TMEM182: variants seen among roughly 807,000 people sequenced by gnomAD.
TMEM182 encodes the protein transmembrane protein 182.
In TMEM182, 20 loss-of-function variants were observed where a neutral mutation model predicts 26.8. The ratio of observed to expected loss-of-function variants is 0.75; its 90% CI spans 0.53 to 1.09. The LOEUF (loss-of-function observed/expected upper bound fraction) is 1.09. Among genes scored for constraint, TMEM182 ranks in the 50% least tolerant of loss-of-function variants. The probability of loss-of-function intolerance (pLI) is 0.00; values close to 1 mark genes in which losing one functional copy is unlikely to be tolerated. For missense variants in TMEM182, 277 were observed against 275.5 expected, an observed-to-expected ratio of 1.01 and a Z score of -0.04; for synonymous variants, 109 against 102.2, an observed-to-expected ratio of 1.07 and a Z score of -0.40.
chr2:102,810,171 A>G (rs1682499464), intron 4 of TMEM182, among the ~76,000 whole-genome samples: 1 of 152,216 alleles, frequency 6.6e-6, no homozygotes, highest in Non-Finnish European at 1.5e-5. Context: ...TCTAGACAAT[A>G]ATAAAGCAGT....
intron 3 of TMEM182, among the ~76,000 whole-genome samples, chr2:102,836,693 A>G (rs574515843): frequency 2.6e-5 from 4 of 152,282 alleles, no homozygotes; most frequent in Admixed American, 6.5e-5. Flanking sequence ...CCCTGCTTTT[A>G]TGAAGGAGGG....
chr2:102,817,776 T>A, downstream of TMEM182: 2 of 904,130 alleles, frequency 2.2e-6, no homozygotes, highest in Non-Finnish European at 2.6e-6. Flanking sequence ...AGTGTGCATG[T>A]GTATTATATG....
At chr2:102,739,344 T>C (rs1263904125) in intron 1 of TMEM182, among the ~76,000 whole-genome samples, 1 of 152,204 alleles carries the variant, frequency 6.6e-6, no homozygotes, top group Non-Finnish European at 1.5e-5. Context: ...AAGCTCAGTG[T>C]TCCTCAATTT....
intron 3 of TMEM182, among the ~76,000 whole-genome samples, chr2:102,778,387 A>G (rs1270005126): frequency 6.6e-6 from 1 of 152,006 alleles, no homozygotes; most frequent in Non-Finnish European, 1.5e-5. Flanking sequence ...ACTTACCTAT[A>G]TCACCAAATT....
At chr2:102,782,646 C>T (rs567237631) in intron 3 of TMEM182, among the ~76,000 whole-genome samples, 35 of 152,230 alleles carry the variant, frequency 2.3e-4, no homozygotes, top group Middle Eastern at 3.4e-3. Context: ...CAAAGATCGG[C>T]GAGCTGCCTC....
chr2:102,829,382 G>A (rs1683106032), intron 3 of TMEM182, among the ~76,000 whole-genome samples: 1 of 152,180 alleles, frequency 6.6e-6, no homozygotes, highest in Non-Finnish European at 1.5e-5. Flanking sequence ...TGACTTATAA[G>A]TTATGACCTA....
At chr2:102,834,870 T>A (rs752769363) in intron 3 of TMEM182, among the ~76,000 whole-genome samples, 2 of 152,208 alleles carry the variant, frequency 1.3e-5, no homozygotes, top group Non-Finnish European at 2.9e-5. Flanking sequence ...AATAAAATAT[T>A]CCTGGGGTCT....
At chr2:102,771,290 A>G (rs1248096837) in intron 3 of TMEM182, among the ~76,000 whole-genome samples, 1 of 152,192 alleles carries the variant, frequency 6.6e-6, no homozygotes, top group Non-Finnish European at 1.5e-5. Flanking sequence ...CCATCACCAC[A>G]GACACAGTAT....
At chr2:102,800,013 A>G (rs1482725825) in intron 4 of TMEM182, among the ~76,000 whole-genome samples, 1 of 151,836 alleles carries the variant, frequency 6.6e-6, no homozygotes, top group Non-Finnish European at 1.5e-5. Context: ...CAACAGTTTA[A>G]AGAGCTAAAA....
chr2:102,814,180 C>T (rs748461832), intron 4 of TMEM182, among the ~76,000 whole-genome samples: 33 of 151,830 alleles, frequency 2.2e-4, no homozygotes, highest in Non-Finnish European at 3.5e-4. Context: ...CTAGTGCTTA[C>T]TTTGGTTTCT....
At chr2:102,839,362 A>G (rs1683305387) in intron 3 of TMEM182, among the ~76,000 whole-genome samples, 1 of 151,394 alleles carries the variant, frequency 6.6e-6, no homozygotes, top group Non-Finnish European at 1.5e-5. Context: ...GCTTCACATC[A>G]TACCTATTGT....
intron 1 of TMEM182, among the ~76,000 whole-genome samples, chr2:102,740,772 A>G (rs923230014): frequency 3.9e-5 from 6 of 152,254 alleles, no homozygotes; most frequent in Non-Finnish European, 5.9e-5. Context: ...ACAGATATCC[A>G]TACAAGCCTT....
Position 102,750,038 on chromosome 2 carries a change from T to G in TMEM182, c.-82-8351T>G, listed in dbSNP as rs919644450. Reference sequence around the variant, plus strand: ...TTAATTAATTTATAATAAATAAATGTTTTTTTTTAAATGAAGCAGGAAAAG... The same window carrying G: ...TTAATTAATTTATAATAAATAAATGGTTTTTTTTAAATGAAGCAGGAAAAG... On this transcript the variant is annotated intron_variant, in intron 1 of 5. Transcript: ENST00000409173. Among the ~76,000 whole-genome samples, 16 of 146,116 alleles carry G rather than the reference T, an allele frequency of 1.1e-4. No homozygotes were observed. The South Asian group carries it at 2.7e-3, about 25-fold the overall frequency.
At chr2:102,747,955 G>GTT (rs1429546951) in intron 1 of TMEM182, among the ~76,000 whole-genome samples, 1 of 152,128 alleles carries the variant, frequency 6.6e-6, no homozygotes. Flanking sequence ...GTGTGTGTGT[G>GTT]TGTTTTTTTT....
At chr2:102,839,219 C>T (rs1683303222) in intron 3 of TMEM182, among the ~76,000 whole-genome samples, 1 of 151,886 alleles carries the variant, frequency 6.6e-6, no homozygotes, top group Non-Finnish European at 1.5e-5. Context: ...GATGAGGATC[C>T]CACAGATCAC....
At chr2:102,763,954 T>G (rs1326366400) in intron 2 of TMEM182, among the ~76,000 whole-genome samples, 5 of 152,208 alleles carry the variant, frequency 3.3e-5, no homozygotes, top group Non-Finnish European at 7.3e-5. Context: ...AAACTTAAGT[T>G]TATTAGATTT....
chr2:102,800,171 A>G (rs1346647858), intron 4 of TMEM182, among the ~76,000 whole-genome samples: 1 of 152,158 alleles, frequency 6.6e-6, no homozygotes, highest in African/African-American at 2.4e-5. Context: ...ACAACCTACC[A>G]TTTTGATGTG....
intron 3 of TMEM182, among the ~76,000 whole-genome samples, chr2:102,836,729 C>G (rs947655321): frequency 1.3e-5 from 2 of 152,202 alleles, no homozygotes; most frequent in Admixed American, 6.5e-5. Flanking sequence ...TGTTAAAGGA[C>G]TCACTCAGAG....
At chr2:102,741,177 C>T (rs192258191) in intron 1 of TMEM182, among the ~76,000 whole-genome samples, 2 of 152,312 alleles carry the variant, frequency 1.3e-5, no homozygotes, top group East Asian at 1.9e-4. Context: ...TATAGAATTA[C>T]AGTCAAGATC....
Sources: gnomAD v4.1 joint callset for allele counts (sites outside exome capture counted in the v4.1 genomes callset) on GRCh38, gnomAD v4.1.1 for gene constraint, MANE v1.5 for transcripts, NCBI Gene and HGNC (gene_info 2026-07-23, HGNC 2026-07-21) for gene names.